TBC1D22A: variants seen among roughly 807,000 people sequenced by gnomAD.
TBC1D22A encodes TBC1 domain family member 22A.
A neutral mutation model predicts 60.2 loss-of-function variants in TBC1D22A; 38 were observed. The ratio of observed to expected loss-of-function variants is 0.63; its 90% CI spans 0.49 to 0.83. The LOEUF (loss-of-function observed/expected upper bound fraction) is 0.83. Among genes scored for constraint, TBC1D22A ranks in the 40% least tolerant of loss-of-function variants. TBC1D22A has a pLI of 0.00. For synonymous variants in TBC1D22A, 302 were observed against 281.7 expected (o/e 1.07, Z -0.72); for missense variants, 628 against 701.0 (o/e 0.90, Z 1.18).
intron 8 of TBC1D22A, among the ~76,000 whole-genome samples, chr22:46,966,298 A>G (rs1474199573): frequency 6.6e-6 from 1 of 152,082 alleles, no homozygotes; most frequent in African/African-American, 2.4e-5. Context: ...GGCAGGTTCC[A>G]GCTCACACAG....
intron 8 of TBC1D22A, among the ~76,000 whole-genome samples, chr22:46,941,108 TACACACACAC>T (rs145138507): frequency 0.013 from 1,001 of 77,440 alleles, 14 homozygotes; most frequent in Non-Finnish European, 0.019. Context: ...GGCACTAGCA[TACACACACAC>T]ACACACACAC....
chr22:46,898,136 T>A (rs2068782896), intron 7 of TBC1D22A, among the ~76,000 whole-genome samples: 5 of 152,168 alleles, frequency 3.3e-5, no homozygotes, highest in Admixed American at 3.3e-4. Context: ...TTTGGTTTAT[T>A]CTTATTTATT....
chr22:46,921,363 G>C (rs569444852), intron 8 of TBC1D22A, among the ~76,000 whole-genome samples: 59 of 152,218 alleles, frequency 3.9e-4, no homozygotes, highest in African/African-American at 1.4e-3. Flanking sequence ...GCCTGTATTG[G>C]TTCTTTTAGG....
chr22:47,079,145 G>T (rs2064352722), intron 11 of TBC1D22A, among the ~76,000 whole-genome samples: 1 of 148,160 alleles, frequency 6.7e-6, no homozygotes, highest in Non-Finnish European at 1.5e-5. Context: ...GGTGTGCAGT[G>T]GCACGATCTT....
chr22:47,165,998 G>A (rs2068195015), intron 12 of TBC1D22A, among the ~76,000 whole-genome samples: 1 of 152,268 alleles, frequency 6.6e-6, no homozygotes, highest in South Asian at 2.1e-4. Context: ...AATAACAAGA[G>A]TAGGCAAATG....
At chr22:46,874,839 G>A (rs765864642) in intron 4 of TBC1D22A, among the ~76,000 whole-genome samples, 7 of 152,150 alleles carry the variant, frequency 4.6e-5, no homozygotes, top group Non-Finnish European at 7.3e-5. Flanking sequence ...CTCCCAAAGT[G>A]CTAGGATTAC....
In TBC1D22A at chr22:47,044,922, C is replaced by T. The variant is rs116046137; in HGVS notation, c.1329+7724C>T. On this transcript the variant is annotated intron_variant, in intron 11 of 12. Coordinates refer to ENST00000337137, the MANE Select transcript of TBC1D22A (RefSeq NM_014346.5). ...GAACTCTACAGGAGATGGTTTCTTC[C>T]CCCTGCAGGCCTGGCGTGCTCCAGC... Among the ~76,000 whole-genome samples, 974 of 152,268 alleles carry T rather than the reference C, an allele frequency of 6.4e-3. 10 individuals are homozygous for T. The highest frequency in any genetic ancestry group is 0.023 in the African/African-American group (937 of 41,544).
intron 11 of TBC1D22A, among the ~76,000 whole-genome samples, chr22:47,052,397 G>T (rs905380848): frequency 6.6e-6 from 1 of 152,188 alleles, no homozygotes; most frequent in African/African-American, 2.4e-5. Context: ...TGCCTGGGAG[G>T]GACCCTCAAG....
intron 4 of TBC1D22A, among the ~76,000 whole-genome samples, chr22:46,874,829 C>T (rs1006557374): frequency 1.3e-5 from 2 of 152,112 alleles, no homozygotes; most frequent in African/African-American, 4.8e-5. Context: ...CCGCCTTGGC[C>T]TCCCAAAGTG....
intron 10 of TBC1D22A, among the ~76,000 whole-genome samples, chr22:47,014,375 T>C (rs935881144): frequency 6.6e-6 from 1 of 152,142 alleles, no homozygotes; most frequent in African/African-American, 2.4e-5. Context: ...ATGACTCCCA[T>C]AGCCGCAGGC....
chr22:46,773,671 C>T (rs909020378), intron 1 of TBC1D22A, among the ~76,000 whole-genome samples: 10 of 152,110 alleles, frequency 6.6e-5, no homozygotes, highest in African/African-American at 2.2e-4. Flanking sequence ...GGGGTTTCAC[C>T]GTGTTGGCCA....
intron 9 of TBC1D22A, among the ~76,000 whole-genome samples, chr22:46,981,835 C>T (rs564771624): frequency 2.0e-5 from 3 of 152,336 alleles, no homozygotes; most frequent in Admixed American, 2.0e-4. Flanking sequence ...TTAGGAAGAT[C>T]TGGGAGGACG....
At chr22:47,115,966 A>C (rs2066028682) in intron 12 of TBC1D22A, 1 of 152,248 alleles carries the variant, frequency 6.6e-6, no homozygotes, top group South Asian at 2.1e-4. Context: ...GCTATCCCGG[A>C]ACATCTTCAT....
At position 46,793,686 on chromosome 22, in the gene TBC1D22A, T is replaced by C; in HGVS notation, c.305T>C (p.Leu102Pro). The C allele has an allele frequency of 6.2e-7, 1 of 1,612,930 alleles. No individual in the cohort carries two copies. The change falls in exon 3 of 13, where the codon CTG becomes CCG. Residue 102 changes from leucine to proline, a missense_variant. Transcript: ENST00000337137. ...EVVMETANRV[L>P]RNHSQRQGRP... ...GTCATGGAGACGGCCAACCGTGTGC[T>C]GCGTAACCACAGCCAGCGGCAGGGG...
chr22:47,136,578 T>G (rs2066879936), intron 12 of TBC1D22A, among the ~76,000 whole-genome samples: 1 of 73,226 alleles, frequency 1.4e-5, no homozygotes, highest in Non-Finnish European at 3.2e-5. Flanking sequence ...GAGGTGAGGC[T>G]GTGGACCCAG....
intron 11 of TBC1D22A, among the ~76,000 whole-genome samples, chr22:47,061,927 A>G (rs2063590436): frequency 6.6e-6 from 1 of 151,930 alleles, no homozygotes; most frequent in Non-Finnish European, 1.5e-5. Context: ...GTTTCTACTA[A>G]AAATACAAAC....
intron 1 of TBC1D22A, among the ~76,000 whole-genome samples, chr22:46,775,323 G>T (rs2083658686): frequency 6.6e-6 from 1 of 152,250 alleles, no homozygotes; most frequent in African/African-American, 2.4e-5. Context: ...CGGGAGTCAA[G>T]AGGAGATCTG....
intron 4 of TBC1D22A, among the ~76,000 whole-genome samples, chr22:46,851,914 G>C (rs891045924): frequency 6.6e-6 from 1 of 152,358 alleles, no homozygotes; most frequent in Non-Finnish European, 1.5e-5. Flanking sequence ...AGAGGCAGGG[G>C]TCATGAGCTG....
intron 11 of TBC1D22A, among the ~76,000 whole-genome samples, chr22:47,077,306 G>A (rs2064265935): frequency 6.6e-6 from 1 of 152,198 alleles, no homozygotes; most frequent in Non-Finnish European, 1.5e-5. Flanking sequence ...CCTGGTGAGT[G>A]TGGACTCTTT....
Sources: gnomAD v4.1 joint callset for allele counts (sites outside exome capture counted in the v4.1 genomes callset) on GRCh38, gnomAD v4.1.1 for gene constraint, MANE v1.5 for transcripts, NCBI Gene and HGNC (gene_info 2026-07-23, HGNC 2026-07-21) for gene names.